Variants in MFSD6 observed in about 807,000 individuals in gnomAD.
MFSD6 encodes the protein major facilitator superfamily domain-containing protein 6.
MFSD6 carries 26 observed loss-of-function variants against 56.3 expected under a neutral mutation model. That is an observed-to-expected ratio of 0.46 (90% CI 0.34 to 0.64). MFSD6 has a LOEUF of 0.64. Ranked by LOEUF, MFSD6 falls within the 30% of genes least tolerant of loss-of-function variation. MFSD6 has a pLI of 0.01. For synonymous variants in MFSD6, 331 were observed against 366.9 expected (o/e 0.90, Z 1.12); for missense variants, 750 against 986.2 (o/e 0.76, Z 3.21).
Position 190,465,679 on chromosome 2 carries a change from C to T in MFSD6, c.1533-4079C>T, listed in dbSNP as rs531448363. Among the ~76,000 whole-genome samples, 1 of 152,262 alleles carries T rather than the reference C, an allele frequency of 6.6e-6. No individual in the cohort carries two copies. Among genetic ancestry groups the T allele is most frequent in the South Asian group, 2.1e-4 (1 of 4,816 alleles). ...TTGCTTGGGTTACCACAAAGTACCA[C>T]GGTCTGGGTGGCTTAAAAAACAGAA... On this transcript the variant is annotated intron_variant, in intron 3 of 7. Transcript: ENST00000392328. The surrounding 1 kb of genome is among the most constrained non-coding windows in gnomAD (Gnocchi z 4.6).
intron 2 of MFSD6, among the ~76,000 whole-genome samples, chr2:190,421,526 G>A (rs1685613436): frequency 6.6e-6 from 1 of 152,002 alleles, no homozygotes; most frequent in Non-Finnish European, 1.5e-5. Flanking sequence ...ACAGACTTCT[G>A]TGCTCTTTTT....
rs76525615 is a variant in MFSD6, at chr2:190,456,901, G to T, written c.1533-12857G>T. 0.013 allele frequency among the ~76,000 whole-genome samples: 1,905 copies of T among 152,270 alleles called. 38 individuals carry two copies. The highest frequency in any genetic ancestry group is 0.043 in the African/African-American group (1,788 of 41,526). ...CTTTGATCTAGGATATTGGACAACT[G>T]TTGAGTGGCATTTGCTTTTCTACTT... On this transcript the variant is annotated intron_variant, in intron 3 of 7. Transcript: ENST00000392328. This position sits in a 1 kb window ranked among gnomAD's most constrained non-coding sequence, Gnocchi z 5.4.
In MFSD6 at chr2:190,415,180, A is replaced by T. The variant is rs1341320664; in HGVS notation, c.-175-112A>T. The T allele has an allele frequency of 6.6e-6, 1 of 152,220 alleles. No homozygotes were observed. Among genetic ancestry groups the T allele is most frequent in the Non-Finnish European group, 1.5e-5 (1 of 68,038 alleles). 9.4% of individuals were successfully genotyped at this position (152,220 alleles called of 1,614,324 possible). ...TTTATGTTTTTACTCTCAGTGAATGACAATGCCTGTCAATTCTCATACTCA... is the reference window on the plus strand; with the variant it reads ...TTTATGTTTTTACTCTCAGTGAATGTCAATGCCTGTCAATTCTCATACTCA... On this transcript the variant is annotated intron_variant, in intron 1 of 7. Transcript: ENST00000392328. This position sits in a 1 kb window ranked among gnomAD's most constrained non-coding sequence, Gnocchi z 4.5.
chr2:190,431,237 A>T lies in MFSD6; in HGVS notation c.-53-4740A>T, dbSNP rs1685984321. 6.7e-6 allele frequency among the ~76,000 whole-genome samples: 1 copy of T among 149,378 alleles called. No homozygotes were observed. The highest frequency in any genetic ancestry group is 2.0e-4 in the East Asian group (1 of 4,936). On this transcript the variant is annotated intron_variant, in intron 2 of 7. Transcript: ENST00000392328. This position sits in a 1 kb window ranked among gnomAD's most constrained non-coding sequence, Gnocchi z 4.4. ...CTTCCCAGACTGGGCAGCCAGGCAGAGGGGCTCCTCACCTCCCAGAGGATG... is the reference window on the plus strand; with the variant it reads ...CTTCCCAGACTGGGCAGCCAGGCAGTGGGGCTCCTCACCTCCCAGAGGATG...
chr2:190,450,150 G>A (rs571954662), intron 3 of MFSD6, among the ~76,000 whole-genome samples: 1 of 152,140 alleles, frequency 6.6e-6, no homozygotes, highest in Non-Finnish European at 1.5e-5. Flanking sequence ...TCGTTATCTT[G>A]AGTAATAGAG....
rs1425371417 is a variant in MFSD6, at chr2:190,485,814, A to C, written c.1631-2843A>C. On this transcript the variant is annotated intron_variant, in intron 4 of 7. Transcript: ENST00000392328. The surrounding 1 kb of genome is among the most constrained non-coding windows in gnomAD (Gnocchi z 5.1). ...TCCATCTTACTAGTTAAAAAAAAAA[A>C]AAACCTAGTTAAAATGATGACTGAA... is the stretch of plus-strand genomic sequence containing the variant. Among the ~76,000 whole-genome samples the C allele has an allele frequency of 6.6e-6, 1 of 152,176 alleles. No individual in the cohort carries two copies. The highest frequency in any genetic ancestry group is 1.5e-5 in the Non-Finnish European group (1 of 68,024).
chr2:190,411,601 C>G, intron 1 of MFSD6: 1 of 978,414 alleles, frequency 1.0e-6, no homozygotes, highest in African/African-American at 1.7e-5. Context: ...AAAAGGAAAA[C>G]AAAAGAAGAC....
chr2:190,420,218 A>T (rs1317177556), intron 2 of MFSD6, among the ~76,000 whole-genome samples: 1 of 150,772 alleles, frequency 6.6e-6, no homozygotes, highest in Admixed American at 6.6e-5. Flanking sequence ...CCATATATAG[A>T]CAGGGTTGCT....
At chr2:190,444,547 T>C (rs993053449) in intron 3 of MFSD6, among the ~76,000 whole-genome samples, 1 of 152,248 alleles carries the variant, frequency 6.6e-6, no homozygotes, top group Non-Finnish European at 1.5e-5. Flanking sequence ...TTCTTTTTAG[T>C]GTAGGGGAGA....
chr2:190,433,441 G>A lies in MFSD6; in HGVS notation c.-53-2536G>A, dbSNP rs1686073715. Reference sequence around the variant, plus strand: ...TGTATAGCTAAGCAGCAAAAGATTGGATTTTGCTTAACCTTCACATTTTCT... The same window carrying A: ...TGTATAGCTAAGCAGCAAAAGATTGAATTTTGCTTAACCTTCACATTTTCT... On this transcript the variant is annotated intron_variant, in intron 2 of 7. Coordinates refer to ENST00000392328, the MANE Select transcript of MFSD6 (RefSeq NM_017694.4). The surrounding 1 kb of genome is among the most constrained non-coding windows in gnomAD (Gnocchi z 4.5). The A allele has an allele frequency of 6.6e-6, 1 of 152,134 alleles. No homozygotes were observed. The highest frequency in any genetic ancestry group is 2.1e-4 in the South Asian group (1 of 4,828). The allele number at this position is 152,134 out of a possible 1,614,324, so 9.4% of individuals were successfully genotyped here. A position where few individuals can be genotyped will look rare whatever the true frequency, so the allele number is the denominator to read the frequency against.
In MFSD6 at chr2:190,488,835, CCTT is replaced by C; in HGVS notation, c.1792+18_1792+20del. On this transcript the variant is annotated intron_variant, in intron 5 of 7. Transcript: ENST00000392328. The surrounding 1 kb of genome is among the most constrained non-coding windows in gnomAD (Gnocchi z 6.4). ...ATTATTTTGGTAAGAATGGCTTTCT[CCTT>C]TTTTTTCTTTTCTATTATTAAAACA... The C allele has an allele frequency of 6.6e-7, 1 of 1,520,850 alleles. No homozygotes were observed. Among genetic ancestry groups the C allele is most frequent in the Non-Finnish European group, 8.8e-7 (1 of 1,134,560 alleles). The allele number at this position is 1,520,850 out of a possible 1,614,324, so 94.2% of individuals were successfully genotyped here. A position where few individuals can be genotyped will look rare whatever the true frequency, so the allele number is the denominator to read the frequency against.
Position 190,469,746 on chromosome 2 carries a change from A to ATTTTTTT in MFSD6, c.1533-9_1533-3dup, listed in dbSNP as rs762035978. ...TTTTTTTATTTTATTTTTATTTTTT[A>ATTTTTTT]TTTTTTTTTAGGGTTCTGTACATTG... is the stretch of plus-strand genomic sequence containing the variant. On this transcript the variant is annotated splice_polypyrimidine_tract_variant and intron_variant, in intron 3 of 7. Transcript: ENST00000392328. This position sits in a 1 kb window ranked among gnomAD's most constrained non-coding sequence, Gnocchi z 5.3. 5.9e-6 allele frequency: 8 copies of ATTTTTTT among 1,364,860 alleles called. No individual in the cohort carries two copies. The highest frequency in any genetic ancestry group is 4.5e-5 in the African/African-American group (3 of 66,952). 84.5% of individuals were successfully genotyped at this position (1,364,860 alleles called of 1,614,324 possible).
intron 2 of MFSD6, among the ~76,000 whole-genome samples, chr2:190,419,775 T>G (rs1038061796): frequency 1.3e-5 from 2 of 152,240 alleles, no homozygotes; most frequent in African/African-American, 4.8e-5. Context: ...TTGCCTCTCA[T>G]CAATAATTCA....
chr2:190,492,104 C>T lies in MFSD6; in HGVS notation c.1891+2238C>T, dbSNP rs1037215868. ...GGTTTTTGAATTAATCCAACGAAGA[C>T]AAAGAAAAAAGAATTTTAAAAAATG... is the stretch of plus-strand genomic sequence containing the variant. On this transcript the variant is annotated intron_variant, in intron 6 of 7. Transcript: ENST00000392328. This position sits in a 1 kb window ranked among gnomAD's most constrained non-coding sequence, Gnocchi z 5.2. Among the ~76,000 whole-genome samples the T allele has an allele frequency of 2.0e-5, 3 of 151,670 alleles. No homozygotes were observed. Among genetic ancestry groups the T allele is most frequent in the Admixed American group, 6.6e-5 (1 of 15,252 alleles).
In MFSD6 at chr2:190,459,374, G is replaced by A. The variant is rs1034867961; in HGVS notation, c.1533-10384G>A. Among the ~76,000 whole-genome samples the A allele has an allele frequency of 7.2e-5, 11 of 152,122 alleles. No homozygotes were observed. Among genetic ancestry groups the A allele is most frequent in the African/African-American group, 2.7e-4 (11 of 41,386 alleles). ...CTCTTGAGGCCTTTTTAAAATTAAC[G>A]GCTATGCCAAATGTCAGTGATTCTT... On this transcript the variant is annotated intron_variant, in intron 3 of 7. Coordinates refer to ENST00000392328, the MANE Select transcript of MFSD6 (RefSeq NM_017694.4). This position sits in a 1 kb window ranked among gnomAD's most constrained non-coding sequence, Gnocchi z 5.3.
chr2:190,460,411 A>G (rs1687262618), intron 3 of MFSD6, among the ~76,000 whole-genome samples: 1 of 152,190 alleles, frequency 6.6e-6, no homozygotes, highest in African/African-American at 2.4e-5. Flanking sequence ...ACACTCGCGT[A>G]TGCACACATG....
chr2:190,469,596 C>T lies in MFSD6; in HGVS notation c.1533-162C>T, dbSNP rs866008118. 3.7e-5 allele frequency: 13 copies of T among 352,708 alleles called. No individual in the cohort carries two copies. In the South Asian group the frequency reaches 1.6e-3, roughly 42 times the overall value. The allele number at this position is 352,708 out of a possible 1,614,324, so 21.8% of individuals were successfully genotyped here. A position where few individuals can be genotyped will look rare whatever the true frequency, so the allele number is the denominator to read the frequency against. Reference sequence around the variant, plus strand: ...TTAAATGTAATTGTCCTTCAGTTTTCCCACTCCTGAGTTTGGAGTCTGCTG... The same window carrying T: ...TTAAATGTAATTGTCCTTCAGTTTTTCCACTCCTGAGTTTGGAGTCTGCTG... On this transcript the variant is annotated intron_variant, in intron 3 of 7. Transcript: ENST00000392328. The surrounding 1 kb of genome is among the most constrained non-coding windows in gnomAD (Gnocchi z 5.3).
At chr2:190,493,983 G>A (rs1385154633) in intron 6 of MFSD6, among the ~76,000 whole-genome samples, 1 of 151,108 alleles carries the variant, frequency 6.6e-6, no homozygotes, top group African/African-American at 2.4e-5. Context: ...ACCAAACCCA[G>A]CAGAAGAAAG....
chr2:190,424,829 A>C lies in MFSD6; in HGVS notation c.-54+9416A>C, dbSNP rs1345168769. On this transcript the variant is annotated intron_variant, in intron 2 of 7. Transcript: ENST00000392328. This position sits in a 1 kb window ranked among gnomAD's most constrained non-coding sequence, Gnocchi z 5.9. ...CTTCTGCTAATACCACACGGTCTTA[A>C]TGCACAGCTATATGATCTTTTTCAA... Among the ~76,000 whole-genome samples, 1 of 152,208 alleles carries C rather than the reference A, an allele frequency of 6.6e-6. No individual in the cohort carries two copies. The highest frequency in any genetic ancestry group is 1.5e-5 in the Non-Finnish European group (1 of 68,034).
Sources: allele counts gnomAD v4.1 joint callset (sites outside exome capture counted in the v4.1 genomes callset), GRCh38; gene constraint gnomAD v4.1.1; non-coding constraint Gnocchi (gnomAD v3.1); transcripts MANE v1.5; gene names NCBI Gene and HGNC (gene_info 2026-07-23, HGNC 2026-07-21).